Variants in POTEE observed in about 807,000 individuals in gnomAD.
POTEE encodes the protein POTE ankyrin domain family member E, also known as ANKRD26-like family C member 1A.
Under a neutral mutation model 74.2 loss-of-function variants are expected in POTEE, and 21 were observed. The ratio of observed to expected loss-of-function variants is 0.28; its 90% CI spans 0.20 to 0.41. POTEE has a LOEUF of 0.41. Ranked by LOEUF, POTEE falls within the 10% of genes least tolerant of loss-of-function variation. The probability of loss-of-function intolerance (pLI) is 1.00; values close to 1 mark genes in which losing one functional copy is unlikely to be tolerated. For missense variants in POTEE, 525 were observed against 1,158.6 expected (o/e 0.45, Z 7.94); for synonymous variants, 211 against 432.8 (o/e 0.49, Z 6.36).
chr2:131,210,223 T>C (rs537150282), intron 1 of POTEE, among the ~76,000 whole-genome samples: 18 of 97,178 alleles, frequency 1.9e-4, no homozygotes, highest in African/African-American at 3.5e-4. Context: ...CTGCGCTACC[T>C]GTGGTGGGGT....
intron 3 of POTEE, 73 bp from the exon 4 acceptor site, chr2:131,218,237 G>A (rs925762244): frequency 6.7e-6 from 8 of 1,186,942 alleles, no homozygotes; most frequent in South Asian, 1.6e-5. Context: ...TTCCCTGGGT[G>A]GGGTGGGCTG....
At chr2:131,229,091 CAA>C (rs1221244336) in intron 8 of POTEE, among the ~76,000 whole-genome samples, 16 of 151,354 alleles carry the variant, frequency 1.1e-4, no homozygotes, top group African/African-American at 3.7e-4. Context: ...TATCCGCACA[CAA>C]AGTGACCAAA....
At chr2:131,226,963 A>G (rs1700801762) in intron 7 of POTEE, 34 bp downstream of exon 7, 6 of 1,609,116 alleles carry the variant, frequency 3.7e-6, no homozygotes, top group Middle Eastern at 4.5e-4. Context: ...TGTGTTCTAG[A>G]TGGACAGCAG....
chr2:131,231,011 G>A, intron 9 of POTEE, 105 bp downstream of exon 9: 1 of 1,044,664 alleles, frequency 9.6e-7, no homozygotes, highest in Non-Finnish European at 1.4e-6. Context: ...GGGGGAGGGT[G>A]GGGATGGTTT....
intron 6 of POTEE, among the ~76,000 whole-genome samples, chr2:131,226,060 G>A (rs7600253): frequency 0.5 from 76,317 of 151,874 alleles, 22,791 homozygotes; most frequent in East Asian, 0.69. Context: ...TAAGAGCAGA[G>A]TTTTCTCAAT....
chr2:131,215,212 T>G, intron 2 of POTEE, among the ~76,000 whole-genome samples: 1 of 152,190 alleles, frequency 6.6e-6, no homozygotes, highest in East Asian at 1.9e-4. Context: ...TTTTTAATCA[T>G]TTAAACGTTA....
At chr2:131,258,569 T>C (rs1254288845) in intron 16 of POTEE, among the ~76,000 whole-genome samples, 5 of 152,140 alleles carry the variant, frequency 3.3e-5, no homozygotes, top group African/African-American at 7.2e-5. Context: ...GATATTGTTA[T>C]ACATTTTTAT....
In POTEE at chr2:131,211,520, C is replaced by CTGTGTGTG. The variant is rs369206786; in HGVS notation, c.-189+350_-189+357dup. Among the ~76,000 whole-genome samples the CTGTGTGTG allele has an allele frequency of 3.0e-3, 150 of 50,276 alleles. 4 individuals are homozygous for CTGTGTGTG. Among genetic ancestry groups the CTGTGTGTG allele is most frequent in the African/African-American group, 7.3e-3 (127 of 17,322 alleles). The allele number at this position is 50,276 out of a possible 152,430, so 33.0% of individuals were successfully genotyped here. ...ATTCTTAACAAAATTTAGGGGGTGA[C>CTGTGTGTG]TGTGTGTGTGTGTGTGTGTGGCTTT... is the stretch of plus-strand genomic sequence containing the variant. On this transcript the variant is annotated intron_variant, in intron 2 of 17. Coordinates refer to ENST00000683005, the MANE Select transcript of POTEE (RefSeq NM_001083538.3).
At chr2:131,233,200 A>T (rs913084213) in intron 9 of POTEE, among the ~76,000 whole-genome samples, 7 of 152,084 alleles carry the variant, frequency 4.6e-5, no homozygotes, top group African/African-American at 1.7e-4. Context: ...GTTATGGTGT[A>T]AAACGGGTTA....
At chr2:131,229,907 C>T (rs542164274) in intron 8 of POTEE, among the ~76,000 whole-genome samples, 132 of 151,814 alleles carry the variant, frequency 8.7e-4, no homozygotes, top group African/African-American at 2.8e-3. Flanking sequence ...GTATGTATGT[C>T]GAAAATTACA....
chr2:131,236,049 C>G (rs376061775), intron 9 of POTEE, among the ~76,000 whole-genome samples: 9,663 of 151,996 alleles, frequency 0.064, 797 homozygotes, highest in African/African-American at 0.19. Flanking sequence ...AACAAAGACA[C>G]GGCTTGGCTT....
intron 9 of POTEE, among the ~76,000 whole-genome samples, chr2:131,231,651 A>G (rs1367266110): frequency 6.6e-6 from 1 of 152,002 alleles, no homozygotes; most frequent in African/African-American, 2.4e-5. Flanking sequence ...GTGTTCTTCT[A>G]CCTGCTGGTT....
At position 131,218,446 on chromosome 2, in the gene POTEE, A is replaced by G. The variant is rs1414256502; in HGVS notation, c.44A>G (p.Lys15Arg). The G allele has an allele frequency of 6.2e-7, 1 of 1,613,298 alleles. No homozygotes were observed. Among genetic ancestry groups the G allele is most frequent in the East Asian group, 2.2e-5 (1 of 44,808 alleles). ...VDSMPAASSV[K>R]KPFGLRSKMG... ...TCCATGCCGGCTGCCTCTTCTGTGA[A>G]GAAGCCATTTGGTCTCAGGAGCAAG... Residue 15 changes from lysine to arginine, a missense_variant, in exon 4 of 18, where the codon AAG (lysine) becomes AGG (arginine). Physicochemically the swap from Lys to Arg is conservative, Grantham distance 26 (BLOSUM62 2). Transcript: ENST00000683005.
At chr2:131,211,505 A>C (rs1700356294) in intron 2 of POTEE, among the ~76,000 whole-genome samples, 1 of 65,522 alleles carries the variant, frequency 1.5e-5, no homozygotes, top group Non-Finnish European at 3.4e-5. Flanking sequence ...ATTCTTAACA[A>C]AATTTAGGGG....
chr2:131,218,580 A>G lies in POTEE; in HGVS notation c.178A>G (p.Lys60Glu). 2 of 1,612,498 alleles carry G rather than the reference A, an allele frequency of 1.2e-6. No individual in the cohort carries two copies. Among genetic ancestry groups the G allele is most frequent in the Non-Finnish European group, 1.7e-6 (2 of 1,179,708 alleles). The change falls in exon 4 of 18, where the codon AAG (lysine) becomes GAG (glutamate). Residue 60 changes from lysine (K) to glutamate (E), a missense_variant. By Grantham distance (56) the Lys-to-Glu change is moderately conservative (BLOSUM62 1). Transcript: ENST00000683005. ...CTCTGCTATGAAGACACTCAGGAGC[A>G]AGATGGGCAAGTGGTGCCACCACTG... ...DDSAMKTLRS[K>E]MGKWCHHCFP...
intron 4 of POTEE, among the ~76,000 whole-genome samples, chr2:131,219,605 T>C (rs1343309249): frequency 4.6e-5 from 7 of 152,066 alleles, no homozygotes; most frequent in Non-Finnish European, 7.4e-5. Flanking sequence ...GGTGCGGTCG[T>C]AGACGCCTGT....
chr2:131,263,303 A>T, intron 17 of POTEE, 52 bp from the exon 18 acceptor site: 1 of 1,571,314 alleles, frequency 6.4e-7, no homozygotes, highest in South Asian at 1.2e-5. Context: ...AGAAGAAATC[A>T]TGATATGTCA....
At chr2:131,262,623 A>G (rs1047343465) in intron 17 of POTEE, among the ~76,000 whole-genome samples, 1 of 149,880 alleles carries the variant, frequency 6.7e-6, no homozygotes, top group Non-Finnish European at 1.5e-5. Context: ...GATCACTAGA[A>G]GTAGCATCAG....
chr2:131,212,762 C>T (rs543517613), intron 2 of POTEE, among the ~76,000 whole-genome samples: 1 of 149,888 alleles, frequency 6.7e-6, no homozygotes, highest in South Asian at 2.1e-4. Flanking sequence ...TGGGTTTTCT[C>T]TATGTTGGTC....
Sources: gnomAD v4.1 joint callset for allele counts (sites outside exome capture counted in the v4.1 genomes callset) on GRCh38, gnomAD v4.1.1 for gene constraint, MANE v1.5 for transcripts, NCBI Gene and HGNC (gene_info 2026-07-23, HGNC 2026-07-21) for gene names.